HERC3: variants seen among roughly 807,000 people sequenced by gnomAD.
The protein encoded by HERC3 is probable E3 ubiquitin-protein ligase HERC3.
In HERC3, 58 loss-of-function variants were observed where a neutral mutation model predicts 129.9. That is an observed-to-expected ratio of 0.45 (90% confidence interval 0.36 to 0.56). HERC3 has a LOEUF of 0.56. HERC3 is among the 20% of genes least tolerant of loss of function. The pLI is 0.00. For missense variants in HERC3, 835 were observed against 1,244.2 expected (o/e 0.67, Z 4.95); for synonymous variants, 430 against 451.0 (o/e 0.95, Z 0.59).
intron 2 of HERC3, among the ~76,000 whole-genome samples, chr4:88,602,494 T>G (rs1439625210): frequency 6.6e-6 from 1 of 152,096 alleles, no homozygotes; most frequent in African/African-American, 2.4e-5. Flanking sequence ...CTTGTTTGTT[T>G]TTAAGATGGG....
chr4:88,643,993 C>G (rs142428988), intron 3 of HERC3, among the ~76,000 whole-genome samples: 2,056 of 152,180 alleles, frequency 0.014, 29 homozygotes, highest in Non-Finnish European at 0.022. Context: ...AGACATTTAT[C>G]CAAAGAGGAT....
chr4:88,663,542 T>A (rs1164201153), intron 11 of HERC3, among the ~76,000 whole-genome samples: 2 of 152,114 alleles, frequency 1.3e-5, no homozygotes, highest in African/African-American at 4.8e-5. Context: ...ACTACTGTAA[T>A]CCCCTCCCCA....
the HERC3 span, among the ~76,000 whole-genome samples, chr4:88,568,079 T>G: frequency 1.3e-5 from 2 of 152,172 alleles, no homozygotes; most frequent in African/African-American, 4.8e-5. Context: ...AAGAGAGAAT[T>G]TCCAGGATTA....
intron 6 of HERC3, among the ~76,000 whole-genome samples, chr4:88,653,612 G>C (rs1318310283): frequency 6.6e-6 from 1 of 152,212 alleles, no homozygotes; most frequent in Admixed American, 6.5e-5. Context: ...GAGGAGAAGC[G>C]TGATCCACTT....
At chr4:88,662,310 GCA>G (rs1730575094) in intron 10 of HERC3, 119 bp from the exon 11 acceptor site, 4 of 947,322 alleles carry the variant, frequency 4.2e-6, no homozygotes, top group Non-Finnish European at 3.1e-6. Context: ...GATCTGGGCG[GCA>G]CACTGCAGCA....
At position 88,650,018 on chromosome 4, in the gene HERC3, G is replaced by GAC. The variant is rs757154973; in HGVS notation, c.386+19_386+20insAC. 1.9e-6 allele frequency: 3 copies of GAC among 1,600,162 alleles called. No individual in the cohort carries two copies. The highest frequency in any genetic ancestry group is 1.1e-5 in the South Asian group (1 of 89,606). On this transcript the variant is annotated intron_variant, in intron 4 of 25. Transcript: ENST00000402738. ...TGCCCAGGTAAGAAGGTTTTCAAAT[G>GAC]TCAGTCGTTTTAAATGCTATTTCCT...
chr4:88,674,636 A>G (rs1344643437), intron 16 of HERC3, among the ~76,000 whole-genome samples: 1 of 152,200 alleles, frequency 6.6e-6, no homozygotes, highest in East Asian at 1.9e-4. Context: ...GTAGGTACCT[A>G]GACTAGAAGA....
chr4:88,577,793 A>ATTCTGT, the HERC3 span, among the ~76,000 whole-genome samples: 1 of 152,102 alleles, frequency 6.6e-6, no homozygotes, highest in East Asian at 1.9e-4. Flanking sequence ...TGATGAAACA[A>ATTCTGT]TTCAAAAGGT....
intron 3 of HERC3, among the ~76,000 whole-genome samples, chr4:88,621,559 G>A (rs1011271400): frequency 6.6e-6 from 1 of 152,026 alleles, no homozygotes; most frequent in Non-Finnish European, 1.5e-5. Flanking sequence ...TCCTTCCTAT[G>A]TCTGGTATGT....
intron 23 of HERC3, among the ~76,000 whole-genome samples, chr4:88,695,537 G>A (rs1734517171): frequency 6.6e-6 from 1 of 152,072 alleles, no homozygotes; most frequent in Non-Finnish European, 1.5e-5. Context: ...CTGCATTTCT[G>A]AATTAAAGGC....
intron 3 of HERC3, among the ~76,000 whole-genome samples, chr4:88,619,352 AGGCATATGATAACAG>A: frequency 6.6e-6 from 1 of 152,238 alleles, no homozygotes; most frequent in Non-Finnish European, 1.5e-5. Flanking sequence ...CAGGTCAGTC[AGGCATATGATAACAG>A]GGCATTTCAG....
intron 23 of HERC3, chr4:88,697,095 C>T: frequency 1.0e-6 from 1 of 1,001,326 alleles, no homozygotes; most frequent in Non-Finnish European, 1.4e-6. Context: ...AATAAATTCA[C>T]ATTGTATTTT....
At chr4:88,563,866 C>T in the HERC3 span, among the ~76,000 whole-genome samples, 1 of 152,016 alleles carries the variant, frequency 6.6e-6, no homozygotes, top group East Asian at 1.9e-4. Context: ...CCATGTTGAC[C>T]AGGTTGATCT....
intron 3 of HERC3, among the ~76,000 whole-genome samples, chr4:88,631,213 G>A (rs1451235626): frequency 6.6e-6 from 1 of 152,168 alleles, no homozygotes; most frequent in African/African-American, 2.4e-5. Context: ...CCAGCACTTT[G>A]GGAGGCTGAG....
At chr4:88,540,396 A>G in the HERC3 span, among the ~76,000 whole-genome samples, 2 of 152,162 alleles carry the variant, frequency 1.3e-5, no homozygotes, top group South Asian at 2.1e-4. Flanking sequence ...AAGTTTAGAG[A>G]AAAAAAGTAG....
At chr4:88,705,158 C>T (rs752651489) in intron 25 of HERC3, among the ~76,000 whole-genome samples, 3 of 152,098 alleles carry the variant, frequency 2.0e-5, no homozygotes, top group Non-Finnish European at 2.9e-5. Flanking sequence ...TGAGCCACCA[C>T]GCCTGGCCTG....
intron 23 of HERC3, chr4:88,696,089 T>A (rs1273206149): frequency 6.5e-6 from 1 of 152,764 alleles, no homozygotes; most frequent in East Asian, 1.9e-4. Flanking sequence ...CCTCAAGCAG[T>A]AAAATTTGAT....
At chr4:88,584,330 C>T in the HERC3 span, among the ~76,000 whole-genome samples, 3 of 152,196 alleles carry the variant, frequency 2.0e-5, no homozygotes, top group Non-Finnish European at 4.4e-5. Context: ...TAACTGACTA[C>T]ACATTCTAAG....
intron 16 of HERC3, among the ~76,000 whole-genome samples, chr4:88,671,844 A>G (rs974464554): frequency 1.3e-5 from 2 of 152,180 alleles, no homozygotes; most frequent in Non-Finnish European, 2.9e-5. Flanking sequence ...TTTTTAATAT[A>G]AATGAGTTAG....
Sources: gnomAD v4.1 joint callset for allele counts (sites outside exome capture counted in the v4.1 genomes callset) on GRCh38, gnomAD v4.1.1 for gene constraint, MANE v1.5 for transcripts, NCBI Gene and HGNC (gene_info 2026-07-23, HGNC 2026-07-21) for gene names.